Variants in DDR2 observed in about 807,000 individuals in gnomAD.
DDR2 encodes discoidin domain receptor tyrosine kinase 2, also known as discoidin domain-containing receptor 2.
DDR2 carries 27 observed loss-of-function variants against 94.9 expected under a neutral mutation model. The ratio of observed to expected loss-of-function variants is 0.28; its 90% confidence interval spans 0.21 to 0.39. The LOEUF (loss-of-function observed/expected upper bound fraction) is 0.39. DDR2 is among the 10% of genes least tolerant of loss of function. DDR2 has a pLI of 1.00. For missense variants in DDR2, 783 were observed against 1,076.0 expected, an observed-to-expected ratio of 0.73 and a Z score of 3.81; for synonymous variants, 382 against 377.2, an observed-to-expected ratio of 1.01 and a Z score of -0.15.
rs1218596405 is a variant in DDR2 at position 162,672,509 on chromosome 1, C to A, written c.-28+17135C>A. ...TGATGCTCTTGTCTTTCTTCATATT[C>A]TTTTAAAGACTATATGTTATATATT... On this transcript the variant is annotated intron_variant, in intron 2 of 17. Transcript: ENST00000367921. 2.0e-5 allele frequency among the ~76,000 whole-genome samples: 3 copies of A among 152,252 alleles called. No homozygotes were observed. The South Asian group carries it at 6.2e-4, about 32-fold the overall frequency.
intron 8 of DDR2, 109 bp from the exon 9 acceptor site, chr1:162,761,102 C>T: frequency 6.6e-7 from 1 of 1,503,898 alleles, no homozygotes; most frequent in Non-Finnish European, 9.2e-7. Flanking sequence ...TACCTCAGTT[C>T]AGAATAGCTC....
chr1:162,679,407 A>C (rs561176532), intron 2 of DDR2, among the ~76,000 whole-genome samples: 33 of 152,342 alleles, frequency 2.2e-4, no homozygotes, highest in African/African-American at 7.2e-4. Flanking sequence ...TCATATTTTT[A>C]AGTCAAGAAC....
chr1:162,722,656 A>G (rs1661475387), intron 3 of DDR2, among the ~76,000 whole-genome samples: 1 of 152,252 alleles, frequency 6.6e-6, no homozygotes, highest in Non-Finnish European at 1.5e-5. Flanking sequence ...AGAAAAAAGT[A>G]TTTAGCTTAA....
intron 17 of DDR2, among the ~76,000 whole-genome samples, 189 bp from the exon 18 acceptor site, chr1:162,779,923 A>G (rs1008960431): frequency 6.6e-6 from 1 of 152,184 alleles, no homozygotes; most frequent in Non-Finnish European, 1.5e-5. Context: ...ACAGCTTAGA[A>G]AAGGGCTGAT....
At chr1:162,670,543 A>T (rs1369001925) in intron 2 of DDR2, among the ~76,000 whole-genome samples, 1 of 152,216 alleles carries the variant, frequency 6.6e-6, no homozygotes, top group Non-Finnish European at 1.5e-5. Context: ...CACCTAGATC[A>T]GTGTTTCAGT....
rs1558028580 is a variant in DDR2, at chr1:162,689,841, T to TAAAAAAAAAAAAAAAAAAAAAAAA, written c.-27-29196_-27-29195insAAAAAAAAAAAAAAAAAAAAAAAA. On this transcript the variant is annotated intron_variant, in intron 2 of 17. Transcript: ENST00000367921. ...CAACATGGTGAAACCCCATCTCTAC[T>TAAAAAAAAAAAAAAAAAAAAAAAA]TAAAAAAAAAAAAAAAAAAAAAAAA... Among the ~76,000 whole-genome samples, 4 of 14,698 alleles carry TAAAAAAAAAAAAAAAAAAAAAAAA rather than the reference T, an allele frequency of 2.7e-4. 1 individual carries two copies. The highest frequency in any genetic ancestry group is 6.2e-4 in the African/African-American group (4 of 6,476). The allele number at this position is 14,698 out of a possible 152,430, so 9.6% of individuals were successfully genotyped here.
rs1647977374 is a variant in DDR2 at position 162,782,819 on chromosome 1, AT to A, written c.*2574del. Reference sequence around the variant, plus strand: ...CCTGGCCTTGAGTCACAGAAGTAATATGTTTCAGATGGCTGCCCAATATGTA... The same window carrying A: ...CCTGGCCTTGAGTCACAGAAGTAATAGTTTCAGATGGCTGCCCAATATGTA... On this transcript the variant is annotated 3_prime_UTR_variant, in exon 18 of 18. Coordinates refer to ENST00000367921, the MANE Select transcript of DDR2 (RefSeq NM_006182.4). 1 of 152,146 alleles carries A rather than the reference AT, an allele frequency of 6.6e-6. No individual in the cohort carries two copies. Among genetic ancestry groups the A allele is most frequent in the Admixed American group, 6.6e-5 (1 of 15,266 alleles). The allele number at this position is 152,146 out of a possible 1,614,324, so 9.4% of individuals were successfully genotyped here.
chr1:162,716,699 C>G (rs1268215691), intron 2 of DDR2, among the ~76,000 whole-genome samples: 3 of 151,266 alleles, frequency 2.0e-5, no homozygotes, highest in African/African-American at 7.3e-5. Flanking sequence ...AACCATCTGA[C>G]TACATTGCTT....
chr1:162,633,521 A>C (rs567475723), intron 1 of DDR2, among the ~76,000 whole-genome samples: 1 of 152,236 alleles, frequency 6.6e-6, no homozygotes, highest in Non-Finnish European at 1.5e-5. Context: ...GATGTAAAAA[A>C]TGATAGGAAG....
intron 2 of DDR2, among the ~76,000 whole-genome samples, chr1:162,692,923 A>G (rs1335654287): frequency 6.6e-6 from 1 of 152,224 alleles, no homozygotes; most frequent in Non-Finnish European, 1.5e-5. Context: ...GGAAATACCC[A>G]GACATTCATC....
At chr1:162,677,356 C>A (rs904723722) in intron 2 of DDR2, among the ~76,000 whole-genome samples, 2 of 152,174 alleles carry the variant, frequency 1.3e-5, no homozygotes, top group Admixed American at 6.5e-5. Context: ...GGCAAGTACC[C>A]TATATCTCCA....
intron 2 of DDR2, among the ~76,000 whole-genome samples, chr1:162,682,894 C>G (rs1659477822): frequency 6.6e-6 from 1 of 151,864 alleles, no homozygotes; most frequent in African/African-American, 2.4e-5. Context: ...AATGATATAG[C>G]CATGTTCAAA....
At chr1:162,722,651 A>G (rs1480258228) in intron 3 of DDR2, among the ~76,000 whole-genome samples, 1 of 152,240 alleles carries the variant, frequency 6.6e-6, no homozygotes, top group Admixed American at 6.5e-5. Context: ...AACTTAGAAA[A>G]AAGTATTTAG....
chr1:162,640,782 G>T (rs1279029159), intron 1 of DDR2, among the ~76,000 whole-genome samples: 1 of 152,140 alleles, frequency 6.6e-6, no homozygotes, highest in Non-Finnish European at 1.5e-5. Context: ...GTTAATAGCA[G>T]ATAAGTAGGT....
chr1:162,742,847 A>G lies in DDR2; in HGVS notation c.83-10248A>G, dbSNP rs539858497. Among the ~76,000 whole-genome samples the G allele has an allele frequency of 2.0e-5, 3 of 152,316 alleles. No homozygotes were observed. In the South Asian group the frequency reaches 6.2e-4, roughly 32 times the overall value. ...GCACTTCTTACATGGCAGCAGCAAG[A>G]GAAAATGAAGAAGAAGCAAAAGCAG... is the stretch of plus-strand genomic sequence containing the variant. On this transcript the variant is annotated intron_variant, in intron 3 of 17. Transcript: ENST00000367921.
At chr1:162,688,141 C>T (rs561724515) in intron 2 of DDR2, among the ~76,000 whole-genome samples, 13 of 152,296 alleles carry the variant, frequency 8.5e-5, no homozygotes, top group South Asian at 4.1e-4. Context: ...AATGGGAATA[C>T]GTGAGCGTGC....
At chr1:162,734,527 C>T (rs1407265703) in intron 3 of DDR2, among the ~76,000 whole-genome samples, 2 of 152,062 alleles carry the variant, frequency 1.3e-5, no homozygotes, top group African/African-American at 2.4e-5. Context: ...TGAACGAAAA[C>T]CAGTTTGTTA....
At chr1:162,721,595 G>T (rs999312847) in intron 3 of DDR2, among the ~76,000 whole-genome samples, 6 of 152,172 alleles carry the variant, frequency 3.9e-5, no homozygotes, top group African/African-American at 1.2e-4. Context: ...GTCAGCATAT[G>T]ATAAATGCAT....
chr1:162,763,336 CTTTTTTTTTTTTTTTT>C (rs56323242), intron 9 of DDR2, among the ~76,000 whole-genome samples: 14 of 56,546 alleles, frequency 2.5e-4, no homozygotes, highest in South Asian at 9.1e-4. Flanking sequence ...CCACGCCCGG[CTTTTTTTTTTTTTTTT>C]TTTTTTTTTT....
Sources: allele counts gnomAD v4.1 joint callset (sites outside exome capture counted in the v4.1 genomes callset), GRCh38; gene constraint gnomAD v4.1.1; transcripts MANE v1.5; gene names NCBI Gene and HGNC (gene_info 2026-07-23, HGNC 2026-07-21).